The following P2RX1 variants were observed in gnomAD, a reference collection of about 807,000 sequenced individuals.
P2RX1 encodes the protein P2X purinoceptor 1.
Under a neutral mutation model 50.3 loss-of-function variants are expected in P2RX1, and 42 were observed. The observed-to-expected ratio is 0.83, with a 90% confidence interval of 0.65 to 1.08. P2RX1 has a LOEUF of 1.08. P2RX1 is among the 50% of genes least tolerant of loss of function. P2RX1 has a pLI of 0.00. For missense variants in P2RX1, 449 were observed against 529.0 expected (o/e 0.85, Z 1.48); for synonymous variants, 199 against 202.6 (o/e 0.98, Z 0.15).
In P2RX1 at chr17:3,905,407, A is replaced by G. The variant is rs1291808455; in HGVS notation, c.138-40T>C. 3.7e-6 allele frequency: 6 copies of G among 1,610,472 alleles called. No individual in the cohort carries two copies. In the South Asian group the frequency reaches 6.6e-5, roughly 18 times the overall value. ...ACAGAGGGGGAGTTGTGGTTGTGGC[A>G]CCAGCTGGACCTGTCACACGCTTTC... On this transcript the variant is annotated intron_variant, in intron 1 of 11. Coordinates refer to ENST00000225538, the MANE Select transcript of P2RX1 (RefSeq NM_002558.4).
chr17:3,902,663 A>G (rs1040015537), intron 7 of P2RX1, among the ~76,000 whole-genome samples: 4 of 150,314 alleles, frequency 2.7e-5, no homozygotes, highest in African/African-American at 9.8e-5. Flanking sequence ...GCTGGAGTGC[A>G]GTGGCGCAAT....
chr17:3,903,585 T>C lies in P2RX1; in HGVS notation c.571A>G (p.Asn191Asp), dbSNP rs1045965766. 7 of 1,614,100 alleles carry C rather than the reference T, an allele frequency of 4.3e-6. No individual in the cohort carries two copies. The highest frequency in any genetic ancestry group is 5.9e-6 in the Non-Finnish European group (7 of 1,180,054). ...EAENFTLFIK[N>D]SISFPRFKVN... ...TTGAAGCGTGGAAAGCTGATGCTGTTCTTGATGAAAAGAGTGAAGTTCTCG... is the reference window on the plus strand; with the variant it reads ...TTGAAGCGTGGAAAGCTGATGCTGTCCTTGATGAAAAGAGTGAAGTTCTCG... The change falls in exon 6 of 12, where the codon AAC becomes GAC. Residue 191 changes from asparagine to aspartate, a missense_variant. Asn to Asp is a conservative substitution (Grantham distance 23). Coordinates refer to ENST00000225538, the MANE Select transcript of P2RX1 (RefSeq NM_002558.4). This position sits in a 1 kb window ranked among gnomAD's most constrained non-coding sequence, Gnocchi z 4.6.
chr17:3,901,678 G>C (rs1322125102), intron 7 of P2RX1, among the ~76,000 whole-genome samples: 2 of 152,198 alleles, frequency 1.3e-5, no homozygotes, highest in Non-Finnish European at 2.9e-5. Context: ...CACAGAAAAG[G>C]GATTGATTTC....
In P2RX1 at chr17:3,903,452, C is replaced by T. The variant is rs112154449; in HGVS notation, c.605+99G>A. The T allele has an allele frequency of 2.0e-3, 3,179 of 1,592,414 alleles. 55 individuals carry two copies. The African/African-American group carries it at 0.037, about 19-fold the overall frequency. On this transcript the variant is annotated intron_variant, in intron 6 of 11. Transcript: ENST00000225538. The surrounding 1 kb of genome is among the most constrained non-coding windows in gnomAD (Gnocchi z 4.6). ...AGGCTCCACATTGCCCCTTTGATTC[C>T]TTCCACGCCAGCAGGAATGGAGGGA...
At chr17:3,909,278 C>A (rs577932854) in intron 1 of P2RX1, among the ~76,000 whole-genome samples, 1 of 152,294 alleles carries the variant, frequency 6.6e-6, no homozygotes, top group South Asian at 2.1e-4. Context: ...GATCCGCCCG[C>A]CTCGGCCTCC....
At chr17:3,906,587 A>G (rs1278644670) in intron 1 of P2RX1, among the ~76,000 whole-genome samples, 3 of 152,246 alleles carry the variant, frequency 2.0e-5, no homozygotes, top group Non-Finnish European at 4.4e-5. Flanking sequence ...AAAACAGAGC[A>G]GGGAGGTGGT....
chr17:3,908,448 C>T (rs967966860), intron 1 of P2RX1, among the ~76,000 whole-genome samples: 3 of 152,030 alleles, frequency 2.0e-5, no homozygotes, highest in East Asian at 1.9e-4. Context: ...CCTGTAATCC[C>T]GCTACTTGGG....
chr17:3,907,874 A>AG (rs113416543), intron 1 of P2RX1, among the ~76,000 whole-genome samples: 3 of 152,180 alleles, frequency 2.0e-5, no homozygotes, highest in African/African-American at 4.8e-5. Context: ...GAGCTGATGC[A>AG]GGGGGGAGGA....
At chr17:3,906,264 T>C (rs2144028018) in intron 1 of P2RX1, among the ~76,000 whole-genome samples, 1 of 152,278 alleles carries the variant, frequency 6.6e-6, no homozygotes, top group Middle Eastern at 3.4e-3. Flanking sequence ...CCTGAGTAGC[T>C]GGGATTACAG....
At chr17:3,905,710 G>T (rs573970799) in intron 1 of P2RX1, among the ~76,000 whole-genome samples, 130 of 152,238 alleles carry the variant, frequency 8.5e-4, no homozygotes, top group African/African-American at 3.1e-3. Flanking sequence ...AGCTTGGCAT[G>T]GTGGTGGGTG....
At chr17:3,904,476 GGCCCTA>G (rs2056220692) in intron 3 of P2RX1, 77 bp from the exon 4 acceptor site, 5 of 1,308,290 alleles carry the variant, frequency 3.8e-6, no homozygotes, top group Non-Finnish European at 1.1e-6. Context: ...CACCCCCCAG[GGCCCTA>G]GGGAGAGCGT....
In P2RX1 at chr17:3,914,364, C is replaced by G. The variant is rs760852618; in HGVS notation, c.137+1725G>C. Among the ~76,000 whole-genome samples, 1 of 151,672 alleles carries G rather than the reference C, an allele frequency of 6.6e-6. No individual in the cohort carries two copies. The highest frequency in any genetic ancestry group is 6.6e-5 in the Admixed American group (1 of 15,188). Reference sequence around the variant, plus strand: ...ACAGGCAGGAGGACGGTAGTGAGGTCCCCGTCACTGGAGGTATAGGTTCCC... The same window carrying G: ...ACAGGCAGGAGGACGGTAGTGAGGTGCCCGTCACTGGAGGTATAGGTTCCC... On this transcript the variant is annotated intron_variant, in intron 1 of 11. Coordinates refer to ENST00000225538, the MANE Select transcript of P2RX1 (RefSeq NM_002558.4). The surrounding 1 kb of genome is among the most constrained non-coding windows in gnomAD (Gnocchi z 4.1).
intron 7 of P2RX1, among the ~76,000 whole-genome samples, chr17:3,900,566 C>T (rs1234286785): frequency 6.6e-6 from 1 of 152,132 alleles, no homozygotes; most frequent in Non-Finnish European, 1.5e-5. Context: ...CTCCCATTAC[C>T]CTCCACACTC....
At chr17:3,898,383 G>T in intron 10 of P2RX1, 101 bp downstream of exon 10, 1 of 962,592 alleles carries the variant, frequency 1.0e-6, no homozygotes, top group Non-Finnish European at 1.7e-6. Flanking sequence ...ATGATAGACA[G>T]TTAGGGTCAA....
chr17:3,902,106 T>G lies in P2RX1; in HGVS notation c.747+1096A>C, dbSNP rs935160758. 3.3e-5 allele frequency among the ~76,000 whole-genome samples: 5 copies of G among 152,280 alleles called. No homozygotes were observed. In the East Asian group the frequency reaches 7.7e-4, roughly 24 times the overall value. On this transcript the variant is annotated intron_variant, in intron 7 of 11. Transcript: ENST00000225538. ...TTCTCAGGGCCATAGGCTATAGGAT[T>G]CAAGCTGCCTTTTTATTTTTATTTA...
intron 7 of P2RX1, among the ~76,000 whole-genome samples, chr17:3,902,545 C>T (rs998124228): frequency 1.1e-4 from 16 of 152,020 alleles, no homozygotes; most frequent in African/African-American, 3.4e-4. Flanking sequence ...ATCCGCCCAC[C>T]GTGGCCTCTC....
chr17:3,905,536 G>A (rs1214070574), intron 1 of P2RX1, among the ~76,000 whole-genome samples, 169 bp from the exon 2 acceptor site: 2 of 152,226 alleles, frequency 1.3e-5, no homozygotes, highest in Non-Finnish European at 2.9e-5. Flanking sequence ...GCTGGCCTGG[G>A]CCTGAAGTTC....
rs578182857 is a variant in P2RX1 at position 3,904,351 on chromosome 17, T to C, written c.406A>G (p.Lys136Glu). ...CKEDSGCTPGKAKRKAQGIRT... is the reference protein window; with the variant it reads ...CKEDSGCTPGEAKRKAQGIRT... ...TTACCTTGGGCCTTCCTCTTGGCCT[T>C]CCCAGGGGTACAGCCACTGTCTTCC... Residue 136 changes from lysine (K) to glutamate (E), a missense_variant, in exon 4 of 12, where the codon AAG becomes GAG. Coordinates refer to ENST00000225538, the MANE Select transcript of P2RX1 (RefSeq NM_002558.4). 3 of 1,614,020 alleles carry C rather than the reference T, an allele frequency of 1.9e-6. No individual in the cohort carries two copies. The highest frequency in any genetic ancestry group is 1.7e-5 in the Admixed American group (1 of 60,014).
At chr17:3,916,036 G>T in intron 1 of P2RX1, 53 bp downstream of exon 1, 1 of 1,607,638 alleles carries the variant, frequency 6.2e-7, no homozygotes, top group Non-Finnish European at 8.5e-7. Context: ...AGAGTCTGGA[G>T]GACAGGCCCG....
Sources: allele counts gnomAD v4.1 joint callset (sites outside exome capture counted in the v4.1 genomes callset), GRCh38; gene constraint gnomAD v4.1.1; non-coding constraint Gnocchi (gnomAD v3.1); transcripts MANE v1.5; gene names NCBI Gene and HGNC (gene_info 2026-07-23, HGNC 2026-07-21).